The following KPNA2 variants were observed in gnomAD, a reference collection of about 807,000 sequenced individuals.
The protein encoded by KPNA2 is importin subunit alpha-1.
Under a neutral mutation model 53.7 loss-of-function variants are expected in KPNA2, and 20 were observed. That is an observed-to-expected ratio of 0.37 (90% CI 0.26 to 0.54). The LOEUF (loss-of-function observed/expected upper bound fraction) is 0.54. KPNA2 is among the 20% of genes least tolerant of loss of function. The pLI is 0.83. For synonymous variants in KPNA2, 238 were observed against 227.5 expected (o/e 1.05, Z -0.42); for missense variants, 515 against 640.3 (o/e 0.80, Z 2.11).
intron 1 of KPNA2, 169 bp downstream of exon 1, chr17:68,036,009 G>C (rs1335289809): frequency 6.6e-6 from 1 of 152,384 alleles, no homozygotes; most frequent in Non-Finnish European, 1.5e-5. Context: ...GCTGAGTTTC[G>C]CGGGGTCTGC....
chr17:68,039,837 C>G (rs565809666), intron 3 of KPNA2, among the ~76,000 whole-genome samples: 1 of 151,088 alleles, frequency 6.6e-6, no homozygotes, highest in African/African-American at 2.4e-5. Context: ...CTTTGGGAGG[C>G]TGAGGCAGGT....
At position 68,042,354 on chromosome 17, in the gene KPNA2, G is replaced by C; in HGVS notation, c.571+1G>C. 2.5e-6 allele frequency: 4 copies of C among 1,613,226 alleles called. No homozygotes were observed. Among genetic ancestry groups the C allele is most frequent in the Non-Finnish European group, 3.4e-6 (4 of 1,179,352 alleles). On this transcript the variant is annotated splice_donor_variant, in intron 5 of 10. Coordinates refer to ENST00000330459, the MANE Select transcript of KPNA2 (RefSeq NM_002266.4). LOFTEE classifies it high-confidence loss of function. ...GTCTGGGCTCTAGGAAACATTGCAG[G>C]TACTTGGACTTGAAGTTCTTTTGAC... is the stretch of plus-strand genomic sequence containing the variant.
intron 5 of KPNA2, 32 bp downstream of exon 5, chr17:68,042,385 G>A (rs976866209): frequency 1.9e-6 from 3 of 1,598,464 alleles, no homozygotes; most frequent in Non-Finnish European, 1.7e-6. Flanking sequence ...TTGACTGAAT[G>A]TATCTAATCG....
At chr17:68,037,766 G>T (rs1432063338) in intron 3 of KPNA2, among the ~76,000 whole-genome samples, 2 of 151,504 alleles carry the variant, frequency 1.3e-5, no homozygotes, top group African/African-American at 2.4e-5. Context: ...TGACCAGTGT[G>T]TCCAGAGCCA....
intron 3 of KPNA2, among the ~76,000 whole-genome samples, chr17:68,039,575 G>C (rs543432288): frequency 2.3e-3 from 347 of 151,918 alleles, no homozygotes; most frequent in Non-Finnish European, 3.5e-3. Context: ...GAGGTCGGGA[G>C]TTTGAGACCA....
chr17:68,043,137 A>C lies in KPNA2; in HGVS notation c.704A>C (p.Asn235Thr), dbSNP rs781807796. The C allele has an allele frequency of 1.9e-6, 3 of 1,613,932 alleles. No homozygotes were observed. In the South Asian group the frequency reaches 3.3e-5, roughly 18 times the overall value. Residue 235 changes from asparagine to threonine, a missense_variant, in exon 7 of 11, where the codon AAT becomes ACT. By Grantham distance (65) the Asn-to-Thr change is moderately conservative (BLOSUM62 0). Transcript: ENST00000330459. ...YLRNLTWTLS[N>T]LCRNKNPAPP... Reference sequence around the variant, plus strand: ...CGTAATCTTACCTGGACACTTTCTAATCTTTGCCGCAACAAGAATCCTGCA... The same window carrying C: ...CGTAATCTTACCTGGACACTTTCTACTCTTTGCCGCAACAAGAATCCTGCA...
At position 68,037,462 on chromosome 17, in the gene KPNA2, T is replaced by C; in HGVS notation, c.180T>C (p.Ala60=). The change falls in exon 3 of 11, where the codon GCT becomes GCC. Residue 60 remains alanine, a synonymous_variant. Transcript: ENST00000330459. ...ATGTAAGCTCATTTCCTGATGATGC[T>C]ACTTCTCCGCTGCAGGAAAACCGCA... is the stretch of plus-strand genomic sequence containing the variant. ...RRNVSSFPDD[A]TSPLQENRNN... 1 of 1,613,744 alleles carries C rather than the reference T, an allele frequency of 6.2e-7. No individual in the cohort carries two copies. The highest frequency in any genetic ancestry group is 8.5e-7 in the Non-Finnish European group (1 of 1,179,876).
In KPNA2 at chr17:68,042,337, T is replaced by C. The variant is rs1371194086; in HGVS notation, c.555T>C (p.Ala185=). The change falls in exon 5 of 11, where the codon GCT becomes GCC. Residue 185 remains alanine, a synonymous_variant. Transcript: ENST00000330459. The stretch of plus-strand genomic sequence containing the variant: ...ACATCAGTGAACAAGCTGTCTGGGC[T>C]CTAGGAAACATTGCAGGTACTTGGA... The part of the protein sequence containing the change: ...HAHISEQAVW[A]LGNIAGDGSV... 1 of 1,614,024 alleles carries C rather than the reference T, an allele frequency of 6.2e-7. No individual in the cohort carries two copies. The highest frequency in any genetic ancestry group is 2.2e-5 in the East Asian group (1 of 44,886).
rs144915703 is a variant in KPNA2, at chr17:68,046,522, G to T, written c.1516G>T (p.Val506Phe). 3 of 1,607,984 alleles carry T rather than the reference G, an allele frequency of 1.9e-6. No individual in the cohort carries two copies. The African/African-American group carries it at 4.0e-5, about 22-fold the overall frequency. The change falls in exon 11 of 11, where the codon GTT (valine) becomes TTT (phenylalanine). Residue 506 changes from valine (V) to phenylalanine (F), a missense_variant. Transcript: ENST00000330459. Reference sequence around the variant, plus strand: ...TTTCCAGGAAGAGGAAGATCAAAACGTTGTACCAGAAACTACCTCTGAAGG... The same window carrying T: ...TTTCCAGGAAGAGGAAGATCAAAACTTTGTACCAGAAACTACCTCTGAAGG... ...FSVEEEEDQN[V>F]VPETTSEGYT...
chr17:68,040,817 G>T (rs1555704482), intron 4 of KPNA2, 51 bp downstream of exon 4: 6 of 931,178 alleles, frequency 6.4e-6, no homozygotes, highest in East Asian at 3.0e-5. Flanking sequence ...TGTGTTTTTA[G>T]ATTTTTTTTT....
chr17:68,042,442 C>CTA, intron 5 of KPNA2, 89 bp downstream of exon 5: 1 of 1,365,254 alleles, frequency 7.3e-7, no homozygotes, highest in East Asian at 2.3e-5. Context: ...GTGACTTTGT[C>CTA]AAGTTTTGAG....
chr17:68,037,007 G>A (rs2144205441), intron 1 of KPNA2, 103 bp from the exon 2 acceptor site: 1 of 801,786 alleles, frequency 1.2e-6, no homozygotes, highest in East Asian at 2.5e-5. Flanking sequence ...CTAGTATACA[G>A]GTGTGGATTC....
chr17:68,045,810 A>G lies in KPNA2; in HGVS notation c.1386A>G (p.Ile462Met), dbSNP rs1555705339. Residue 462 changes from isoleucine (I) to methionine (M), a missense_variant, in exon 10 of 11, where the codon ATA becomes ATG. Transcript: ENST00000330459. ...TAGGTGAAACTGAGAAACTTAGTAT[A>G]ATGATTGAAGAATGTGGAGGCTTAG... ...EKLGETEKLS[I>M]MIEECGGLDK... 6.2e-7 allele frequency: 1 copy of G among 1,601,376 alleles called. No homozygotes were observed. Among genetic ancestry groups the G allele is most frequent in the African/African-American group, 1.3e-5 (1 of 74,220 alleles).
At chr17:68,039,086 G>C (rs1226514195) in intron 3 of KPNA2, among the ~76,000 whole-genome samples, 1 of 151,984 alleles carries the variant, frequency 6.6e-6, no homozygotes, top group African/African-American at 2.4e-5. Context: ...TCTTTCATCT[G>C]GGCCCTTTCC....
intron 3 of KPNA2, among the ~76,000 whole-genome samples, chr17:68,040,257 G>T (rs2071242226): frequency 6.8e-6 from 1 of 147,672 alleles, no homozygotes; most frequent in South Asian, 2.1e-4. Flanking sequence ...ACCATGCCTG[G>T]ATATTTTTTT....
chr17:68,040,855 GA>G (rs1427032019), intron 4 of KPNA2, 89 bp downstream of exon 4: 38 of 801,378 alleles, frequency 4.7e-5, no homozygotes, highest in Non-Finnish European at 7.1e-5. Context: ...GGGACAGACA[GA>G]TAGTACAAGG....
At chr17:68,040,625 A>G (rs1402943738) in intron 3 of KPNA2, 53 bp from the exon 4 acceptor site, 1 of 1,205,410 alleles carries the variant, frequency 8.3e-7, no homozygotes, top group Non-Finnish European at 1.2e-6. Flanking sequence ...TGTGGATTTT[A>G]TTGTTTGTAT....
rs782488073 is a variant in KPNA2 at position 68,043,803 on chromosome 17, A to C, written c.931-35A>C. 4.4e-6 allele frequency: 6 copies of C among 1,363,076 alleles called. No individual in the cohort carries two copies. In the East Asian group the frequency reaches 1.1e-4, roughly 26 times the overall value. 84.4% of individuals were successfully genotyped at this position (1,363,076 alleles called of 1,614,324 possible). Reference sequence around the variant, plus strand: ...TAGAATTTCTAAAGTGCTGGGGAAAAAATAACCAGCATCAACATATTTTTT... The same window carrying C: ...TAGAATTTCTAAAGTGCTGGGGAAACAATAACCAGCATCAACATATTTTTT... On this transcript the variant is annotated intron_variant, in intron 7 of 10. Coordinates refer to ENST00000330459, the MANE Select transcript of KPNA2 (RefSeq NM_002266.4).
intron 3 of KPNA2, among the ~76,000 whole-genome samples, chr17:68,038,246 A>G (rs2071214204): frequency 6.6e-6 from 1 of 152,158 alleles, no homozygotes. Flanking sequence ...AAGTGCTGGG[A>G]TTACAGGCGT....
Sources: allele counts gnomAD v4.1 joint callset (sites outside exome capture counted in the v4.1 genomes callset), GRCh38; gene constraint gnomAD v4.1.1; transcripts MANE v1.5; gene names NCBI Gene and HGNC (gene_info 2026-07-23, HGNC 2026-07-21).